Variants in MVB12B observed in about 807,000 individuals in gnomAD.
MVB12B encodes the protein ESCRT-I complex subunit MVB12B.
In MVB12B, 16 loss-of-function variants were observed where a neutral mutation model predicts 41.6. The observed-to-expected ratio is 0.38, with a 90% confidence interval of 0.26 to 0.58. MVB12B has a LOEUF of 0.58. Among genes scored for constraint, MVB12B ranks in the 20% least tolerant of loss-of-function variants. The pLI is 0.62. For missense variants in MVB12B, 274 were observed against 380.2 expected (o/e 0.72, Z 2.32); for synonymous variants, 133 against 139.7 (o/e 0.95, Z 0.34).
At chr9:126,336,403 G>A (rs1328824361) in intron 1 of MVB12B, among the ~76,000 whole-genome samples, 1 of 152,226 alleles carries the variant, frequency 6.6e-6, no homozygotes, top group Non-Finnish European at 1.5e-5. Flanking sequence ...CTGACTTTCA[G>A]GGATTAAACA....
At chr9:126,438,154 A>G (rs1288570841) in intron 7 of MVB12B, among the ~76,000 whole-genome samples, 2 of 152,214 alleles carry the variant, frequency 1.3e-5, no homozygotes, top group African/African-American at 4.8e-5. Context: ...TGGGGAGAGA[A>G]TATCTGGAAA....
At chr9:126,329,338 G>A (rs985468030) in intron 1 of MVB12B, among the ~76,000 whole-genome samples, 1 of 152,252 alleles carries the variant, frequency 6.6e-6, no homozygotes, top group African/African-American at 2.4e-5. Context: ...GGCACTGCAG[G>A]AGGTGGCGGT....
chr9:126,503,066 G>T lies in MVB12B; in HGVS notation c.874-111G>T, dbSNP rs1833993235. ...CTGGCCAGCTGCGCCATGTCAAGAT[G>T]CCCCACGAGGCGGCCCAGGCCTCTG... On this transcript the variant is annotated intron_variant, in intron 9 of 9. Transcript: ENST00000361171. 6.4e-6 allele frequency: 6 copies of T among 941,714 alleles called. No individual in the cohort carries two copies. In the Admixed American group the frequency reaches 1.2e-4, roughly 19 times the overall value. 58.3% of individuals were successfully genotyped at this position (941,714 alleles called of 1,614,324 possible).
intron 6 of MVB12B, among the ~76,000 whole-genome samples, chr9:126,416,217 G>A (rs1239941592): frequency 6.6e-6 from 1 of 152,190 alleles, no homozygotes; most frequent in Non-Finnish European, 1.5e-5. Context: ...GGGAGAGTGG[G>A]AGTAGGATTG....
At chr9:126,405,003 C>A (rs1267288676) in intron 6 of MVB12B, among the ~76,000 whole-genome samples, 1 of 152,184 alleles carries the variant, frequency 6.6e-6, no homozygotes, top group Non-Finnish European at 1.5e-5. Flanking sequence ...TGAGTTTAGG[C>A]TGAGCAATAC....
At chr9:126,416,293 G>A (rs1831822616) in intron 6 of MVB12B, among the ~76,000 whole-genome samples, 1 of 152,198 alleles carries the variant, frequency 6.6e-6, no homozygotes, top group African/African-American at 2.4e-5. Context: ...CCTGCATGGT[G>A]GCCCTCTGTG....
intron 8 of MVB12B, among the ~76,000 whole-genome samples, chr9:126,483,735 C>G (rs1833574341): frequency 1.3e-5 from 2 of 152,202 alleles, no homozygotes; most frequent in Non-Finnish European, 2.9e-5. Flanking sequence ...AGGCAAAGGT[C>G]CCGCAGCACA....
chr9:126,345,032 A>G (rs1188637738), intron 2 of MVB12B, among the ~76,000 whole-genome samples: 2 of 152,234 alleles, frequency 1.3e-5, no homozygotes, highest in Admixed American at 6.5e-5. Context: ...AGCATAGCAT[A>G]TGGCTTCCCA....
In MVB12B at chr9:126,391,457, C is replaced by A. The variant is rs546474091; in HGVS notation, c.410-609C>A. 1.3e-5 allele frequency among the ~76,000 whole-genome samples: 2 copies of A among 152,274 alleles called. No homozygotes were observed. The highest frequency in any genetic ancestry group is 3.9e-4 in the East Asian group (2 of 5,188). On this transcript the variant is annotated intron_variant, in intron 4 of 9. Coordinates refer to ENST00000361171, the MANE Select transcript of MVB12B (RefSeq NM_033446.3). The surrounding 1 kb of genome is among the most constrained non-coding windows in gnomAD (Gnocchi z 4.4). ...TTGGATGATACTCAGGAATTCTGTT[C>A]GTTTTGTTAGGAATGGTGATGGCAT...
At chr9:126,402,176 A>C (rs542526349) in intron 6 of MVB12B, among the ~76,000 whole-genome samples, 1 of 152,208 alleles carries the variant, frequency 6.6e-6, no homozygotes, top group African/African-American at 2.4e-5. Context: ...TGTAAGGTGC[A>C]TCATTTATGA....
chr9:126,410,169 GTGTGCACGCA>G (rs1486334001), intron 6 of MVB12B, among the ~76,000 whole-genome samples: 1 of 151,468 alleles, frequency 6.6e-6, no homozygotes, highest in Non-Finnish European at 1.5e-5. Flanking sequence ...GTGTGTGTGT[GTGTGCACGCA>G]TGCACGCGCA....
Position 126,333,605 on chromosome 9 carries a change from T to C in MVB12B, c.81+6595T>C, listed in dbSNP as rs1225962098. 6.6e-6 allele frequency among the ~76,000 whole-genome samples: 1 copy of C among 152,040 alleles called. No individual in the cohort carries two copies. Among genetic ancestry groups the C allele is most frequent in the African/African-American group, 2.4e-5 (1 of 41,396 alleles). On this transcript the variant is annotated intron_variant, in intron 1 of 9. Coordinates refer to ENST00000361171, the MANE Select transcript of MVB12B (RefSeq NM_033446.3). This position sits in a 1 kb window ranked among gnomAD's most constrained non-coding sequence, Gnocchi z 4.7. The stretch of plus-strand genomic sequence containing the variant: ...TTTTAGTAGAGATGCGGTTTTGCCA[T>C]GTTGGCCAGGCTGGTCTCAAACTCC...
chr9:126,387,083 C>G (rs1158667600), intron 4 of MVB12B, among the ~76,000 whole-genome samples: 5 of 152,024 alleles, frequency 3.3e-5, no homozygotes, highest in African/African-American at 4.8e-5. Context: ...GTTGAGCAAA[C>G]AAGAAAAGTG....
At chr9:126,441,893 T>C (rs558410783) in intron 7 of MVB12B, among the ~76,000 whole-genome samples, 11 of 152,372 alleles carry the variant, frequency 7.2e-5, no homozygotes, top group African/African-American at 2.4e-4. Context: ...GATAGCTGAA[T>C]GGTACCTATT....
intron 7 of MVB12B, among the ~76,000 whole-genome samples, chr9:126,479,386 T>C (rs1252552890): frequency 6.6e-6 from 1 of 152,196 alleles, no homozygotes; most frequent in East Asian, 1.9e-4. Context: ...GACTCTGCCC[T>C]TCTCTAGAAG....
chr9:126,424,303 C>T (rs958640686), intron 7 of MVB12B, among the ~76,000 whole-genome samples: 3 of 152,188 alleles, frequency 2.0e-5, no homozygotes, highest in Admixed American at 6.5e-5. Flanking sequence ...AGTTGGCTCC[C>T]ATCATGCCTG....
intron 8 of MVB12B, among the ~76,000 whole-genome samples, chr9:126,481,750 T>C (rs1016006936): frequency 1.3e-5 from 2 of 152,260 alleles, no homozygotes; most frequent in East Asian, 3.8e-4. Context: ...TCAGGTGCAC[T>C]GAGCCTTTGC....
chr9:126,408,961 G>T (rs559162562), intron 6 of MVB12B, among the ~76,000 whole-genome samples: 1 of 152,126 alleles, frequency 6.6e-6, no homozygotes, highest in African/African-American at 2.4e-5. Context: ...GTCCCGCAGC[G>T]CCCACCTTCT....
chr9:126,433,715 A>G (rs918501101), intron 7 of MVB12B, among the ~76,000 whole-genome samples: 1 of 152,142 alleles, frequency 6.6e-6, no homozygotes, highest in Non-Finnish European at 1.5e-5. Flanking sequence ...GAGCCATTGC[A>G]GCCCGTGAGC....
Sources: gnomAD v4.1 joint callset for allele counts (sites outside exome capture counted in the v4.1 genomes callset) on GRCh38, gnomAD v4.1.1 for gene constraint, Gnocchi (gnomAD v3.1) non-coding constraint, MANE v1.5 for transcripts, NCBI Gene and HGNC (gene_info 2026-07-23, HGNC 2026-07-21) for gene names.